The following SLC9A9 variants were observed in gnomAD, a reference collection of about 807,000 sequenced individuals.
SLC9A9 encodes solute carrier family 9 member A9, also known as sodium/hydrogen exchanger 9.
A neutral mutation model predicts 77.8 loss-of-function variants in SLC9A9; 62 were observed. That is an observed-to-expected ratio of 0.80 (90% CI 0.65 to 0.98). SLC9A9 has a LOEUF of 0.98. Among genes scored for constraint, SLC9A9 ranks in the 50% least tolerant of loss-of-function variants. The pLI is 0.00. For synonymous variants in SLC9A9, 320 were observed against 283.5 expected, an observed-to-expected ratio of 1.13 and a Z score of -1.29; for missense variants, 775 against 774.9, an observed-to-expected ratio of 1.00 and a Z score of 0.00.
At chr3:143,754,667 A>G (rs867481164) in intron 4 of SLC9A9, among the ~76,000 whole-genome samples, 2 of 152,146 alleles carry the variant, frequency 1.3e-5, no homozygotes, top group Non-Finnish European at 2.9e-5. Context: ...GCTCAAGAGG[A>G]AAGGACAAGG....
intron 12 of SLC9A9, among the ~76,000 whole-genome samples, chr3:143,407,145 C>T (rs2033998844): frequency 6.6e-6 from 1 of 152,080 alleles, no homozygotes; most frequent in African/African-American, 2.4e-5. Context: ...AAGGATAAAA[C>T]AGGAAATATT....
chr3:143,505,774 AG>A (rs989447676), intron 9 of SLC9A9, among the ~76,000 whole-genome samples: 1 of 152,248 alleles, frequency 6.6e-6, no homozygotes, highest in African/African-American at 2.4e-5. Flanking sequence ...AAGTTAATAT[AG>A]GACATAAATG....
rs75566938 is a variant in SLC9A9, at chr3:143,338,914, C to T, written c.1604+24570G>A. Among the ~76,000 whole-genome samples the T allele has an allele frequency of 1.1e-3, 171 of 152,336 alleles. 1 individual carries two copies. The highest frequency in any genetic ancestry group is 4.1e-3 in the African/African-American group (170 of 41,578). The stretch of plus-strand genomic sequence containing the variant: ...TTTGAATCCATGTTCCTCAACATCA[C>T]ACCACCTTTAACTTATTACATAAAA... On this transcript the variant is annotated intron_variant, in intron 14 of 15. Transcript: ENST00000316549.
chr3:143,597,287 G>A (rs187941028), intron 6 of SLC9A9, among the ~76,000 whole-genome samples: 4 of 152,262 alleles, frequency 2.6e-5, no homozygotes, highest in South Asian at 2.1e-4. Flanking sequence ...TTAGCTCTTG[G>A]GGGGCTCGGC....
intron 4 of SLC9A9, among the ~76,000 whole-genome samples, chr3:143,741,581 T>G (rs1475171460): frequency 1.3e-5 from 2 of 152,144 alleles, no homozygotes; most frequent in African/African-American, 2.4e-5. Flanking sequence ...GCATAATGAC[T>G]TCCTTACAAA....
chr3:143,325,089 A>C (rs553847033), intron 14 of SLC9A9, among the ~76,000 whole-genome samples: 45 of 152,024 alleles, frequency 3.0e-4, no homozygotes, highest in South Asian at 1.5e-3. Context: ...AAAAAAAAAA[A>C]AAAAAACCTT....
intron 11 of SLC9A9, among the ~76,000 whole-genome samples, chr3:143,475,503 C>A (rs368664396): frequency 3.2e-4 from 49 of 151,822 alleles, no homozygotes; most frequent in African/African-American, 1.2e-3. Context: ...TTTAAAAGTA[C>A]AATTAGAGGC....
intron 1 of SLC9A9, chr3:143,847,869 C>T: frequency 2.1e-6 from 1 of 485,564 alleles, no homozygotes; most frequent in Non-Finnish European, 3.7e-6. Context: ...ACAGCTCGCC[C>T]TCGACTCCCC....
intron 5 of SLC9A9, among the ~76,000 whole-genome samples, chr3:143,682,735 G>A (rs1415847951): frequency 6.6e-6 from 1 of 152,070 alleles, no homozygotes. Context: ...ACTTCCAGAG[G>A]CCACCAAAAT....
At chr3:143,343,752 C>T (rs1490711688) in intron 14 of SLC9A9, 1 of 152,114 alleles carries the variant, frequency 6.6e-6, no homozygotes. Flanking sequence ...AGTACTGCTG[C>T]CTTGGAAACA....
At chr3:143,840,581 C>T (rs1382148085) in intron 1 of SLC9A9, among the ~76,000 whole-genome samples, 1 of 152,218 alleles carries the variant, frequency 6.6e-6, no homozygotes, top group Non-Finnish European at 1.5e-5. Context: ...AATATTTCAA[C>T]TCCAGCTACT....
intron 14 of SLC9A9, among the ~76,000 whole-genome samples, chr3:143,274,769 A>T (rs1578254271): frequency 6.6e-6 from 1 of 152,224 alleles, no homozygotes. Context: ...AGACACAACC[A>T]TCTCAGAATA....
At chr3:143,503,284 C>A in intron 9 of SLC9A9, 1 of 271,052 alleles carries the variant, frequency 3.7e-6, no homozygotes, top group South Asian at 3.8e-5. Flanking sequence ...TCTAGGAGGC[C>A]ATGTGGACCA....
At chr3:143,795,298 A>AAAC (rs1553794681) in intron 3 of SLC9A9, among the ~76,000 whole-genome samples, 4,143 of 140,224 alleles carry the variant, frequency 0.03, 196 homozygotes, top group African/African-American at 0.089. Flanking sequence ...AAAAAAAAAA[A>AAAC]AACCCACTGG....
At chr3:143,354,557 T>G (rs1459038581) in intron 14 of SLC9A9, among the ~76,000 whole-genome samples, 3 of 152,216 alleles carry the variant, frequency 2.0e-5, no homozygotes, top group African/African-American at 7.2e-5. Context: ...CCATGGCCCA[T>G]GCTGATAATG....
At chr3:143,406,347 CATTAT>C (rs766020862) in intron 12 of SLC9A9, among the ~76,000 whole-genome samples, 1 of 151,808 alleles carries the variant, frequency 6.6e-6, no homozygotes, top group Non-Finnish European at 1.5e-5. Flanking sequence ...ATCTAAGATA[CATTAT>C]AGGATCACTA....
At chr3:143,340,234 G>A (rs1332383014) in intron 14 of SLC9A9, among the ~76,000 whole-genome samples, 1 of 152,108 alleles carries the variant, frequency 6.6e-6, no homozygotes, top group African/African-American at 2.4e-5. Context: ...CCAGACCACA[G>A]AAGTTAAAGG....
At chr3:143,505,797 A>G (rs1476514075) in intron 9 of SLC9A9, among the ~76,000 whole-genome samples, 1 of 152,240 alleles carries the variant, frequency 6.6e-6, no homozygotes, top group Non-Finnish European at 1.5e-5. Context: ...AGTTACAGCT[A>G]CAAGGAATTG....
chr3:143,705,928 C>T (rs1394651799), intron 4 of SLC9A9, among the ~76,000 whole-genome samples: 1 of 152,200 alleles, frequency 6.6e-6, no homozygotes, highest in Non-Finnish European at 1.5e-5. Flanking sequence ...TACATAAGCA[C>T]AGCACATAGT....
Sources: allele counts gnomAD v4.1 joint callset (sites outside exome capture counted in the v4.1 genomes callset), GRCh38; gene constraint gnomAD v4.1.1; transcripts MANE v1.5; gene names NCBI Gene and HGNC (gene_info 2026-07-23, HGNC 2026-07-21).